Variants in AMY2B observed in about 807,000 individuals in gnomAD.
AMY2B encodes the protein amylase alpha 2B.
A neutral mutation model predicts 59.3 loss-of-function variants in AMY2B; 63 were observed. The ratio of observed to expected loss-of-function variants is 1.06; its 90% CI spans 0.87 to 1.31. AMY2B has a LOEUF of 1.31. Among genes scored for constraint, AMY2B ranks in the 50% most tolerant of loss-of-function variants. AMY2B has a pLI of 0.00. For missense variants in AMY2B, 635 were observed against 626.7 expected, an observed-to-expected ratio of 1.01 and a Z score of -0.14; for synonymous variants, 180 against 198.1, an observed-to-expected ratio of 0.91 and a Z score of 0.77.
At chr1:103,574,499 G>A in intron 5 of AMY2B, 106 bp downstream of exon 5, 3 of 1,585,966 alleles carry the variant, frequency 1.9e-6, no homozygotes, top group Non-Finnish European at 1.7e-6. Flanking sequence ...AACTATCAAG[G>A]AGTCAATTGT....
upstream of AMY2B, chr1:103,569,798 G>T: frequency 2.2e-6 from 1 of 452,772 alleles, no homozygotes; most frequent in Non-Finnish European, 4.5e-6. Flanking sequence ...GGATGACATA[G>T]AGAAGATCTG....
chr1:103,578,165 G>A (rs1374040966), intron 9 of AMY2B, among the ~76,000 whole-genome samples: 1 of 152,126 alleles, frequency 6.6e-6, no homozygotes, highest in African/African-American at 2.4e-5. Flanking sequence ...TGAGGATTGT[G>A]AAATCATTAA....
At chr1:103,570,478 A>G, upstream of AMY2B, 1 of 683,394 alleles carries the variant, frequency 1.5e-6, no homozygotes, top group African/African-American at 1.8e-5. Flanking sequence ...GGCATCACCG[A>G]CAGGATGCAG....
At chr1:103,557,034 A>G (rs965911444) in intron 1 of AMY2B, among the ~76,000 whole-genome samples, 8 of 152,088 alleles carry the variant, frequency 5.3e-5, no homozygotes, top group Non-Finnish European at 8.8e-5. Context: ...AGAAGAATAG[A>G]GTTCTCATCC....
chr1:103,574,460 G>C (rs1652265801), intron 5 of AMY2B, 67 bp downstream of exon 5: 8 of 1,603,944 alleles, frequency 5.0e-6, no homozygotes, highest in Non-Finnish European at 5.1e-6. Flanking sequence ...CCCAGTGTGA[G>C]TTATCTTCTG....
At chr1:103,576,697 G>C (rs1168856706) in intron 7 of AMY2B, among the ~76,000 whole-genome samples, 1 of 152,110 alleles carries the variant, frequency 6.6e-6, no homozygotes, top group Non-Finnish European at 1.5e-5. Flanking sequence ...ACAGAAGCAT[G>C]ATGGACTCTA....
Position 103,575,337 on chromosome 1 carries a change from G to T in AMY2B, c.993G>T (p.Trp331Cys), listed in dbSNP as rs776177641. Residue 331 changes from tryptophan to cysteine, a missense_variant, in exon 6 of 10, where the codon TGG becomes TGT. Coordinates refer to ENST00000684275, the MANE Select transcript of AMY2B (RefSeq NM_001387437.1). ...GAGGASILTF[W>C]DARLYKMAVG... ...GAGGAGCCTCTATTCTTACCTTCTG[G>T]GATGCTAGGTAGAAAACCAAGTTCT... 1 of 1,613,326 alleles carries T rather than the reference G, an allele frequency of 6.2e-7. No homozygotes were observed. The highest frequency in any genetic ancestry group is 8.5e-7 in the Non-Finnish European group (1 of 1,179,612).
chr1:103,571,975 A>G (rs1208415922), intron 1 of AMY2B, 135 bp from the exon 2 acceptor site: 11 of 1,543,522 alleles, frequency 7.1e-6, no homozygotes, highest in Non-Finnish European at 9.6e-6. Flanking sequence ...GAGCCCTCCA[A>G]TGTGCTGTTA....
At chr1:103,573,654 C>A (rs1398425910) in intron 3 of AMY2B, 54 bp from the exon 4 acceptor site, 5 of 1,605,800 alleles carry the variant, frequency 3.1e-6, no homozygotes, top group Admixed American at 1.7e-5. Flanking sequence ...CAAATGGATT[C>A]TCATGTGAAA....
At chr1:103,573,965 A>T in intron 4 of AMY2B, 27 bp downstream of exon 4, 2 of 1,613,614 alleles carry the variant, frequency 1.2e-6, no homozygotes, top group East Asian at 2.2e-5. Flanking sequence ...ATGCATATAA[A>T]ATATCATCTT....
intron 7 of AMY2B, 72 bp downstream of exon 7, chr1:103,575,612 A>G: frequency 6.3e-7 from 1 of 1,579,494 alleles, no homozygotes. Flanking sequence ...ACTTAATATG[A>G]CAACTATTAA....
intron 1 of AMY2B, among the ~76,000 whole-genome samples, chr1:103,559,534 A>T (rs17014907): frequency 0.069 from 10,540 of 152,286 alleles, 517 homozygotes; most frequent in Middle Eastern, 0.12. Flanking sequence ...ATGATTACTT[A>T]GATTTACACT....
At chr1:103,566,656 G>A (rs1476470333), upstream of AMY2B, among the ~76,000 whole-genome samples, 1 of 152,050 alleles carries the variant, frequency 6.6e-6, no homozygotes, top group Non-Finnish European at 1.5e-5. Flanking sequence ...AGAATTCTAG[G>A]AGAAACATTA....
rs543775364 is a variant in AMY2B, at chr1:103,575,668, C to T, written c.1101+128C>T. ...TGATTAGAAACCTGATATAGGGCTG[C>T]GATTTTAGTAATGCAGGTTATATTA... is the stretch of plus-strand genomic sequence containing the variant. On this transcript the variant is annotated intron_variant, in intron 7 of 9. Transcript: ENST00000684275. 974 of 1,358,118 alleles carry T rather than the reference C, an allele frequency of 7.2e-4. 1 individual carries two copies. Among genetic ancestry groups the T allele is most frequent in the Non-Finnish European group, 8.9e-4 (890 of 995,500 alleles). The allele number at this position is 1,358,118 out of a possible 1,614,324, so 84.1% of individuals were successfully genotyped here.
chr1:103,568,885 A>T (rs1652003937), upstream of AMY2B: 1 of 151,936 alleles, frequency 6.6e-6, no homozygotes, highest in Non-Finnish European at 1.5e-5. Flanking sequence ...TGCTATAAAG[A>T]AGTGTCCAAG....
chr1:103,573,183 T>C lies in AMY2B; in HGVS notation c.436T>C (p.Tyr146His), dbSNP rs1216035146. ...AAGTAGGGACTTTCCAGCAGTCCCA[T>C]ATTCTGGATGGGATTTTAATGATGG... ...PGSRDFPAVP[Y>H]SGWDFNDGKC... Residue 146 changes from tyrosine to histidine, a missense_variant, in exon 3 of 10, where the codon TAT becomes CAT. Tyr to His is a moderately conservative substitution (Grantham distance 83, BLOSUM62 2). Transcript: ENST00000684275. 6.2e-7 allele frequency: 1 copy of C among 1,613,674 alleles called. No homozygotes were observed. Among genetic ancestry groups the C allele is most frequent in the Admixed American group, 1.7e-5 (1 of 59,986 alleles).
At chr1:103,571,841 G>C in intron 1 of AMY2B, 71 bp downstream of exon 1, 1 of 1,611,360 alleles carries the variant, frequency 6.2e-7, no homozygotes, top group African/African-American at 1.3e-5. Flanking sequence ...GATCTTATCC[G>C]TGAAGCTTAG....
At chr1:103,569,754 G>A (rs1191819478), upstream of AMY2B, 1 of 419,672 alleles carries the variant, frequency 2.4e-6, no homozygotes, top group Non-Finnish European at 4.8e-6. Flanking sequence ...TGACCCTGAA[G>A]TACCCCCATT....
intron 1 of AMY2B, among the ~76,000 whole-genome samples, chr1:103,562,354 C>A (rs1182709707): frequency 6.6e-6 from 1 of 152,124 alleles, no homozygotes. Context: ...TTTTCTCTAA[C>A]CTTTACATTG....
Sources: allele counts gnomAD v4.1 joint callset (sites outside exome capture counted in the v4.1 genomes callset), GRCh38; gene constraint gnomAD v4.1.1; transcripts MANE v1.5; gene names NCBI Gene and HGNC (gene_info 2026-07-23, HGNC 2026-07-21).